GPC5: variants seen among roughly 807,000 people sequenced by gnomAD.
The protein encoded by GPC5 is glypican-5.
GPC5 carries 47 observed loss-of-function variants against 53.9 expected under a neutral mutation model. That is an observed-to-expected ratio of 0.87 (90% CI 0.69 to 1.11). The LOEUF (loss-of-function observed/expected upper bound fraction) is 1.11. Ranked by LOEUF, GPC5 falls within the 50% of genes most tolerant of loss-of-function variation. The pLI is 0.00. For missense variants in GPC5, 748 were observed against 713.1 expected, an observed-to-expected ratio of 1.05 and a Z score of -0.56; for synonymous variants, 286 against 263.3, an observed-to-expected ratio of 1.09 and a Z score of -0.84.
intron 7 of GPC5, among the ~76,000 whole-genome samples, chr13:92,783,755 A>G (rs189152887): frequency 9.8e-5 from 15 of 152,288 alleles, no homozygotes; most frequent in Non-Finnish European, 1.8e-4. Context: ...ACTGTGACTA[A>G]AGGTGATCCC....
chr13:91,944,165 A>G (rs1328159690), intron 6 of GPC5, among the ~76,000 whole-genome samples: 2 of 151,252 alleles, frequency 1.3e-5, no homozygotes, highest in Non-Finnish European at 2.9e-5. Flanking sequence ...GTGCGGACTC[A>G]GCTCACTGCA....
At chr13:91,627,778 C>T (rs1331249721) in intron 2 of GPC5, among the ~76,000 whole-genome samples, 2 of 152,062 alleles carry the variant, frequency 1.3e-5, no homozygotes, top group African/African-American at 2.4e-5. Context: ...TTTCCTGTAG[C>T]ATTTTGATGC....
intron 7 of GPC5, among the ~76,000 whole-genome samples, chr13:92,571,633 A>T (rs1425845951): frequency 6.6e-6 from 1 of 152,064 alleles, no homozygotes; most frequent in East Asian, 1.9e-4. Flanking sequence ...GTGCTTCATG[A>T]TCCTTTTAAT....
chr13:91,446,109 T>G (rs1289681035), intron 1 of GPC5, among the ~76,000 whole-genome samples: 1 of 152,192 alleles, frequency 6.6e-6, no homozygotes, highest in African/African-American at 2.4e-5. Flanking sequence ...TTTTGTTTTT[T>G]GGGGGTTTGT....
At chr13:92,412,686 C>T (rs1178681541) in intron 7 of GPC5, among the ~76,000 whole-genome samples, 1 of 152,154 alleles carries the variant, frequency 6.6e-6, no homozygotes, top group African/African-American at 2.4e-5. Context: ...CAGAGACAGA[C>T]CATATGGTCC....
chr13:91,970,438 C>T (rs188439675), intron 6 of GPC5, among the ~76,000 whole-genome samples: 33 of 151,892 alleles, frequency 2.2e-4, no homozygotes, highest in African/African-American at 6.5e-4. Context: ...TTGCCCCCCC[C>T]TCACACATAC....
At chr13:91,700,390 G>A (rs1457665696) in intron 3 of GPC5, among the ~76,000 whole-genome samples, 1 of 152,186 alleles carries the variant, frequency 6.6e-6, no homozygotes, top group Admixed American at 6.5e-5. Context: ...TGAGAATAAA[G>A]ACTGATAATC....
chr13:91,611,257 A>G (rs1165582935), intron 2 of GPC5, among the ~76,000 whole-genome samples: 1 of 152,250 alleles, frequency 6.6e-6, no homozygotes, highest in Non-Finnish European at 1.5e-5. Flanking sequence ...CAATTAGGAA[A>G]CATCTTTTCT....
chr13:91,480,406 A>G (rs12876167), intron 2 of GPC5, among the ~76,000 whole-genome samples: 1 of 151,962 alleles, frequency 6.6e-6, no homozygotes, highest in Non-Finnish European at 1.5e-5. Context: ...ATGTCTCTCT[A>G]TAAAGAGCGA....
At chr13:92,078,115 A>G (rs1258815503) in intron 6 of GPC5, among the ~76,000 whole-genome samples, 1 of 152,198 alleles carries the variant, frequency 6.6e-6, no homozygotes, top group African/African-American at 2.4e-5. Context: ...GAGATACCAA[A>G]TTATAATTAG....
At chr13:91,615,095 A>G (rs938042197) in intron 2 of GPC5, among the ~76,000 whole-genome samples, 5 of 150,678 alleles carry the variant, frequency 3.3e-5, no homozygotes, top group African/African-American at 9.7e-5. Flanking sequence ...AGGCATTAGG[A>G]TTACAAACAA....
chr13:92,304,176 C>T (rs1298165281), intron 7 of GPC5, among the ~76,000 whole-genome samples: 2 of 151,654 alleles, frequency 1.3e-5, no homozygotes, highest in Non-Finnish European at 2.9e-5. Context: ...AAATGTAATG[C>T]AAGGCTTTGA....
chr13:91,412,610 GT>G (rs1877893072), intron 1 of GPC5, among the ~76,000 whole-genome samples: 1 of 152,202 alleles, frequency 6.6e-6, no homozygotes, highest in South Asian at 2.1e-4. Context: ...AATGACTACT[GT>G]GGATATGTGA....
rs554126213 is a variant in GPC5 at position 92,116,029 on chromosome 13, T to C, written c.1402-28801T>C. Among the ~76,000 whole-genome samples, 13 of 152,002 alleles carry C rather than the reference T, an allele frequency of 8.6e-5. 1 individual carries two copies. In the Middle Eastern group the frequency reaches 0.01, roughly 119 times the overall value. On this transcript the variant is annotated intron_variant, in intron 6 of 7. Coordinates refer to ENST00000377067, the MANE Select transcript of GPC5 (RefSeq NM_004466.6). ...ACTTTGGGAGGCTGAGATGGGAGAA[T>C]CCCTTGAGCCCAGACATTCAAGACC...
chr13:91,437,331 G>A (rs1880059728), intron 1 of GPC5, among the ~76,000 whole-genome samples: 2 of 152,170 alleles, frequency 1.3e-5, no homozygotes, highest in South Asian at 4.1e-4. Context: ...GGTACCAATT[G>A]TTCCTTTCCA....
chr13:92,833,709 A>G (rs1032189777), intron 7 of GPC5, among the ~76,000 whole-genome samples: 1 of 152,216 alleles, frequency 6.6e-6, no homozygotes, highest in Non-Finnish European at 1.5e-5. Flanking sequence ...ACATTATTGC[A>G]GAAAATGCTA....
chr13:91,758,292 T>C (rs892962098), intron 5 of GPC5, among the ~76,000 whole-genome samples: 1 of 152,144 alleles, frequency 6.6e-6, no homozygotes, highest in Non-Finnish European at 1.5e-5. Flanking sequence ...CATAGTATTT[T>C]TTCAAACTGT....
At chr13:92,397,460 A>G (rs1228003817) in intron 7 of GPC5, among the ~76,000 whole-genome samples, 2 of 152,110 alleles carry the variant, frequency 1.3e-5, no homozygotes, top group Admixed American at 1.3e-4. Context: ...AGTCCATTAA[A>G]CTTTTTTCTT....
intron 7 of GPC5, among the ~76,000 whole-genome samples, chr13:92,329,663 A>G (rs2043275421): frequency 2.0e-5 from 3 of 152,140 alleles, no homozygotes; most frequent in South Asian, 4.1e-4. Context: ...TTAGAGGGGA[A>G]TTGCCATTCT....
Sources: allele counts gnomAD v4.1 joint callset (sites outside exome capture counted in the v4.1 genomes callset), GRCh38; gene constraint gnomAD v4.1.1; transcripts MANE v1.5; gene names NCBI Gene and HGNC (gene_info 2026-07-23, HGNC 2026-07-21).